NSMCE2: variants seen among roughly 807,000 people sequenced by gnomAD.
NSMCE2 encodes the protein NSE2 SUMO ligase component of SMC5/6 complex, also known as E3 SUMO-protein ligase NSE2.
NSMCE2 carries 24 observed loss-of-function variants against 23.8 expected under a neutral mutation model. The ratio of observed to expected loss-of-function variants is 1.01; its 90% CI spans 0.73 to 1.42. NSMCE2 has a LOEUF of 1.42. Among genes scored for constraint, NSMCE2 ranks in the 40% most tolerant of loss-of-function variants. The pLI is 0.00. For missense variants in NSMCE2, 284 were observed against 296.5 expected (o/e 0.96, Z 0.31); for synonymous variants, 92 against 94.1 (o/e 0.98, Z 0.13).
intron 5 of NSMCE2, among the ~76,000 whole-genome samples, chr8:125,225,764 C>T (rs949094827): frequency 5.3e-5 from 8 of 152,188 alleles, no homozygotes; most frequent in African/African-American, 1.9e-4. Context: ...AAGCTATCTG[C>T]AAGGACATTT....
intron 5 of NSMCE2, among the ~76,000 whole-genome samples, chr8:125,284,532 C>T (rs144862117): frequency 1.4e-3 from 211 of 152,340 alleles, no homozygotes; most frequent in African/African-American, 4.7e-3. Context: ...TACTTAGACT[C>T]AGCTGTATTC....
intron 3 of NSMCE2, among the ~76,000 whole-genome samples, chr8:125,119,628 C>G (rs1429495346): frequency 6.6e-6 from 1 of 152,108 alleles, no homozygotes; most frequent in Non-Finnish European, 1.5e-5. Flanking sequence ...TAGTTTAATG[C>G]TAAGCAAAGA....
In NSMCE2 at chr8:125,313,772, G is replaced by GA. The variant is rs1018010111; in HGVS notation, c.419-43440dup. Among the ~76,000 whole-genome samples, 15 of 151,992 alleles carry GA rather than the reference G, an allele frequency of 9.9e-5. No homozygotes were observed. In the East Asian group the frequency reaches 2.9e-3, roughly 29 times the overall value. The stretch of plus-strand genomic sequence containing the variant: ...TCAGTCTGGTGGCAGAGAAGGGAAG[G>GA]AAAAAAAGAAACAGAACTTTACTTT... On this transcript the variant is annotated intron_variant, in intron 5 of 7. Transcript: ENST00000287437.
intron 5 of NSMCE2, among the ~76,000 whole-genome samples, chr8:125,222,362 G>A (rs1346107674): frequency 2.0e-5 from 3 of 151,794 alleles, no homozygotes; most frequent in African/African-American, 7.3e-5. Flanking sequence ...TTCCTTTTTT[G>A]TGGTGAAAAC....
chr8:125,352,714 T>G (rs1293581836), intron 5 of NSMCE2, among the ~76,000 whole-genome samples: 1 of 152,218 alleles, frequency 6.6e-6, no homozygotes, highest in Non-Finnish European at 1.5e-5. Flanking sequence ...AGATGATCAA[T>G]ATTTTCTCTC....
At chr8:125,316,638 ATTTCCTTC>A (rs780071574) in intron 5 of NSMCE2, among the ~76,000 whole-genome samples, 3,122 of 34,090 alleles carry the variant, frequency 0.092, 110 homozygotes, top group South Asian at 0.38. Context: ...TCCTTTCTTT[ATTTCCTTC>A]TTTCCTTCTT....
chr8:125,206,273 A>G (rs1179891770), intron 5 of NSMCE2, among the ~76,000 whole-genome samples: 1 of 152,218 alleles, frequency 6.6e-6, no homozygotes, highest in Non-Finnish European at 1.5e-5. Flanking sequence ...AAAAGATTAC[A>G]AGGGTAAGTT....
chr8:125,230,107 A>C (rs541799810), intron 5 of NSMCE2, among the ~76,000 whole-genome samples: 1 of 152,204 alleles, frequency 6.6e-6, no homozygotes, highest in African/African-American at 2.4e-5. Context: ...AAAACCTTGC[A>C]GATTGTATGT....
intron 5 of NSMCE2, among the ~76,000 whole-genome samples, chr8:125,254,482 A>G (rs186345589): frequency 6.6e-6 from 1 of 152,368 alleles, no homozygotes; most frequent in East Asian, 1.9e-4. Context: ...TTGCTAAAAG[A>G]AAGAAATTGA....
intron 3 of NSMCE2, among the ~76,000 whole-genome samples, chr8:125,128,320 C>T (rs1156935438): frequency 6.6e-6 from 1 of 152,084 alleles, no homozygotes; most frequent in Non-Finnish European, 1.5e-5. Context: ...TAGTAGTTCC[C>T]AGCTATTAGG....
intron 5 of NSMCE2, among the ~76,000 whole-genome samples, chr8:125,213,030 T>C (rs182627392): frequency 1.7e-4 from 26 of 152,332 alleles, no homozygotes; most frequent in Non-Finnish European, 1.3e-4. Context: ...AAAAATTATA[T>C]TGAGCAGTAA....
intron 3 of NSMCE2, among the ~76,000 whole-genome samples, chr8:125,140,442 T>C (rs1290888825): frequency 1.3e-5 from 2 of 152,068 alleles, no homozygotes; most frequent in Non-Finnish European, 2.9e-5. Flanking sequence ...GCGGGAGAAT[T>C]ACTTGAGGTC....
At chr8:125,313,071 G>A (rs887234742) in intron 5 of NSMCE2, among the ~76,000 whole-genome samples, 7 of 146,958 alleles carry the variant, frequency 4.8e-5, no homozygotes, top group African/African-American at 1.8e-4. Flanking sequence ...AAACCTACAC[G>A]TTCTGCACAT....
At chr8:125,326,825 G>A (rs770488853) in intron 5 of NSMCE2, among the ~76,000 whole-genome samples, 3 of 151,554 alleles carry the variant, frequency 2.0e-5, no homozygotes, top group African/African-American at 4.9e-5. Context: ...TCGTGGTGGC[G>A]GGCACTTGTA....
At chr8:125,195,192 T>C (rs1345816301) in intron 5 of NSMCE2, among the ~76,000 whole-genome samples, 1 of 152,070 alleles carries the variant, frequency 6.6e-6, no homozygotes, top group Non-Finnish European at 1.5e-5. Context: ...TAGGCGTCAA[T>C]ATCAACTGTG....
intron 5 of NSMCE2, among the ~76,000 whole-genome samples, chr8:125,266,743 A>G (rs546990840): frequency 6.6e-6 from 1 of 152,292 alleles, no homozygotes; most frequent in Admixed American, 6.5e-5. Context: ...TTGGGATTAG[A>G]AATAGAAGAT....
chr8:125,200,319 TC>T (rs1823808773), intron 5 of NSMCE2, among the ~76,000 whole-genome samples: 1 of 152,228 alleles, frequency 6.6e-6, no homozygotes, highest in South Asian at 2.1e-4. Flanking sequence ...TACCAGTTGT[TC>T]CTTTCCATGT....
intron 5 of NSMCE2, among the ~76,000 whole-genome samples, chr8:125,232,993 G>C (rs1476888566): frequency 2.6e-5 from 4 of 152,192 alleles, no homozygotes; most frequent in Non-Finnish European, 5.9e-5. Flanking sequence ...TTCCAGGGTT[G>C]TAACTAGTTC....
intron 5 of NSMCE2, among the ~76,000 whole-genome samples, chr8:125,257,576 C>T (rs1440215763): frequency 7.4e-6 from 1 of 134,568 alleles, no homozygotes; most frequent in Non-Finnish European, 1.5e-5. Context: ...CTCTGTCGCC[C>T]AGGCTGGAGT....
Sources: gnomAD v4.1 joint callset for allele counts (sites outside exome capture counted in the v4.1 genomes callset) on GRCh38, gnomAD v4.1.1 for gene constraint, MANE v1.5 for transcripts, NCBI Gene and HGNC (gene_info 2026-07-23, HGNC 2026-07-21) for gene names.